The following TENM3 variants were observed in gnomAD, a reference collection of about 807,000 sequenced individuals.
The protein encoded by TENM3 is teneurin transmembrane protein 3, also known as teneurin-3.
A neutral mutation model predicts 255.1 loss-of-function variants in TENM3; 63 were observed. The ratio of observed to expected loss-of-function variants is 0.25; its 90% CI spans 0.20 to 0.30. TENM3 has a LOEUF of 0.30. Ranked by LOEUF, TENM3 falls within the 10% of genes least tolerant of loss-of-function variation. TENM3 has a pLI of 1.00. For missense variants in TENM3, 2,929 were observed against 3,461.1 expected (o/e 0.85, Z 3.86); for synonymous variants, 1,306 against 1,322.3 (o/e 0.99, Z 0.27).
intron 3 of TENM3, among the ~76,000 whole-genome samples, chr4:182,377,758 A>C (rs1408168227): frequency 1.3e-5 from 2 of 152,176 alleles, no homozygotes; most frequent in Non-Finnish European, 2.9e-5. Context: ...ACAGTTTCCC[A>C]AAGAGAATTA....
intron 1 of TENM3, among the ~76,000 whole-genome samples, chr4:182,290,060 C>T (rs1244316307): frequency 1.3e-5 from 2 of 152,160 alleles, no homozygotes; most frequent in Non-Finnish European, 2.9e-5. Context: ...CTGCCATGCC[C>T]TTCCTCACCG....
chr4:181,851,840 C>A, the TENM3 span, among the ~76,000 whole-genome samples: 1 of 152,090 alleles, frequency 6.6e-6, no homozygotes. Flanking sequence ...CCTATAAGTA[C>A]ATAAAATACA....
At chr4:182,076,940 T>G in the TENM3 span, among the ~76,000 whole-genome samples, 1 of 152,204 alleles carries the variant, frequency 6.6e-6, no homozygotes, top group Admixed American at 6.5e-5. Flanking sequence ...GGACAGAGTC[T>G]TCTTGCTATT....
chr4:181,600,707 C>T, the TENM3 span, among the ~76,000 whole-genome samples: 3 of 151,740 alleles, frequency 2.0e-5, no homozygotes, highest in Non-Finnish European at 4.4e-5. Flanking sequence ...TCCCTGCTGC[C>T]GTAGACACAC....
chr4:181,643,692 A>G, the TENM3 span, among the ~76,000 whole-genome samples: 2 of 152,188 alleles, frequency 1.3e-5, no homozygotes, highest in East Asian at 3.9e-4. Flanking sequence ...CATTAGTAAG[A>G]TAAAGAACTC....
At chr4:181,665,252 G>T in the TENM3 span, among the ~76,000 whole-genome samples, 1 of 152,088 alleles carries the variant, frequency 6.6e-6, no homozygotes, top group African/African-American at 2.4e-5. Context: ...ATATCAGGTC[G>T]TTTTATCTTA....
chr4:181,727,521 A>G, the TENM3 span, among the ~76,000 whole-genome samples: 1 of 152,226 alleles, frequency 6.6e-6, no homozygotes, highest in Non-Finnish European at 1.5e-5. Flanking sequence ...TTGAGAAAAA[A>G]TAATTAGATG....
chr4:182,614,996 G>A (rs1218453471), intron 4 of TENM3, among the ~76,000 whole-genome samples: 6 of 129,234 alleles, frequency 4.6e-5, no homozygotes, highest in South Asian at 2.5e-4. Context: ...CAGCAGTTTC[G>A]AAGAAGAGTT....
chr4:182,591,657 G>T (rs971079318), intron 3 of TENM3, among the ~76,000 whole-genome samples: 1 of 152,132 alleles, frequency 6.6e-6, no homozygotes, highest in African/African-American at 2.4e-5. Context: ...GGCTTACAGA[G>T]GTATTTAAAT....
At chr4:182,252,153 A>T (rs1278850322) in intron 1 of TENM3, among the ~76,000 whole-genome samples, 1 of 151,996 alleles carries the variant, frequency 6.6e-6, no homozygotes, top group Non-Finnish European at 1.5e-5. Flanking sequence ...ACTGCACTCC[A>T]GCCTCGGCAA....
the TENM3 span, among the ~76,000 whole-genome samples, chr4:182,030,296 A>C: frequency 6.7e-6 from 1 of 150,280 alleles, no homozygotes; most frequent in African/African-American, 2.5e-5. Flanking sequence ...ATGTGTTCTC[A>C]TTGTTCAGCT....
chr4:182,548,082 C>T (rs1468838978), intron 3 of TENM3, among the ~76,000 whole-genome samples: 13 of 151,882 alleles, frequency 8.6e-5, no homozygotes, highest in East Asian at 5.8e-4. Flanking sequence ...AAATTAGCCA[C>T]GCATGGTAGT....
At chr4:182,449,207 G>C (rs1268736099) in intron 3 of TENM3, 1 of 26,688 alleles carries the variant, frequency 3.7e-5, no homozygotes, top group African/African-American at 2.4e-4. Context: ...CGGTGGCGGT[G>C]GTGGCGGCGG....
intron 24 of TENM3, among the ~76,000 whole-genome samples, chr4:182,778,079 T>A (rs768810472): frequency 9.2e-5 from 14 of 151,978 alleles, no homozygotes; most frequent in Admixed American, 1.3e-4. Flanking sequence ...CTCATTTTTT[T>A]AAAAAGACAC....
chr4:181,804,758 C>T, the TENM3 span, among the ~76,000 whole-genome samples: 1 of 152,064 alleles, frequency 6.6e-6, no homozygotes, highest in Non-Finnish European at 1.5e-5. Context: ...ACCTGTAGTC[C>T]CAGCTACTCA....
At chr4:181,694,573 G>A in the TENM3 span, among the ~76,000 whole-genome samples, 2 of 152,178 alleles carry the variant, frequency 1.3e-5, no homozygotes, top group African/African-American at 4.8e-5. Context: ...TTTACAGGTT[G>A]CTTTCAGTTA....
intron 3 of TENM3, among the ~76,000 whole-genome samples, chr4:182,453,676 C>T (rs1328308897): frequency 6.6e-6 from 1 of 152,120 alleles, no homozygotes; most frequent in Non-Finnish European, 1.5e-5. Flanking sequence ...GGTTTGTGCA[C>T]AGTGCCTTTT....
upstream of TENM3, among the ~76,000 whole-genome samples, chr4:182,140,557 AAAC>A (rs1257003856): frequency 6.6e-6 from 1 of 152,212 alleles, no homozygotes; most frequent in Non-Finnish European, 1.5e-5. Context: ...AATAAAGTCC[AAAC>A]AATAGGTAAA....
intron 22 of TENM3, among the ~76,000 whole-genome samples, chr4:182,759,781 T>C (rs1762996911): frequency 6.6e-6 from 1 of 152,210 alleles, no homozygotes; most frequent in Admixed American, 6.5e-5. Context: ...GGGTGATTCT[T>C]CGGGGTACAC....
Sources: allele counts gnomAD v4.1 joint callset (sites outside exome capture counted in the v4.1 genomes callset), GRCh38; gene constraint gnomAD v4.1.1; transcripts MANE v1.5; gene names NCBI Gene and HGNC (gene_info 2026-07-23, HGNC 2026-07-21).